Variants in MIA2 observed in about 807,000 individuals in gnomAD.
MIA2 encodes MIA SH3 domain ER export factor 2.
A neutral mutation model predicts 167.8 loss-of-function variants in MIA2; 127 were observed. That is an observed-to-expected ratio of 0.76 (90% CI 0.66 to 0.88). The LOEUF (loss-of-function observed/expected upper bound fraction) is 0.88. Among genes scored for constraint, MIA2 ranks in the 40% least tolerant of loss-of-function variants. The probability of loss-of-function intolerance (pLI) is 0.00; values close to 1 mark genes in which losing one functional copy is unlikely to be tolerated. For synonymous variants in MIA2, 552 were observed against 541.9 expected (o/e 1.02, Z -0.26); for missense variants, 1,690 against 1,624.7 (o/e 1.04, Z -0.69).
In MIA2 at chr14:39,240,668, T is replaced by C. The variant is rs764364523; in HGVS notation, c.336+21T>C. 4.0e-5 allele frequency: 63 copies of C among 1,557,186 alleles called. 1 individual carries two copies. Among genetic ancestry groups the C allele is most frequent in the Non-Finnish European group, 5.3e-5 (60 of 1,131,384 alleles). On this transcript the variant is annotated intron_variant, in intron 3 of 28. Coordinates refer to ENST00000640607, the MANE Select transcript of MIA2 (RefSeq NM_001329214.4). ...CGAAAGTGAGTAAACTCATTCTCAG[T>C]TGTTAATTGAATTTAAAATTTCTTG... is the stretch of plus-strand genomic sequence containing the variant.
At chr14:39,246,749 A>G (rs1436239801) in intron 3 of MIA2, among the ~76,000 whole-genome samples, 162 bp from the exon 4 acceptor site, 3 of 152,356 alleles carry the variant, frequency 2.0e-5, no homozygotes, top group Non-Finnish European at 4.4e-5. Context: ...TTACATAATT[A>G]GCCTTGAAGT....
At chr14:39,370,377 C>A in intron 23 of MIA2, 1 of 228,704 alleles carries the variant, frequency 4.4e-6, no homozygotes. Context: ...CCCACCAGGT[C>A]CTCATTCTGG....
At chr14:39,270,986 T>C (rs2057039326) in intron 6 of MIA2, among the ~76,000 whole-genome samples, 1 of 152,248 alleles carries the variant, frequency 6.6e-6, no homozygotes, top group Admixed American at 6.5e-5. Context: ...ATTTATCTTT[T>C]CTTCCTTTGG....
intron 2 of MIA2, among the ~76,000 whole-genome samples, chr14:39,240,175 G>A (rs988022628): frequency 6.6e-6 from 1 of 152,186 alleles, no homozygotes; most frequent in African/African-American, 2.4e-5. Context: ...CATTGAATAT[G>A]TCACTACTCC....
At position 39,346,034 on chromosome 14, in the gene MIA2, G is replaced by GTGCTT; in HGVS notation, c.3778+9_3778+10insGCTTT. On this transcript the variant is annotated intron_variant, in intron 26 of 28. Transcript: ENST00000640607. ...CTTCTTTGGATAAAATGGGTAAGAA[G>GTGCTT]TACTTTGTGCTTTTCTTCTTTAAAA... The GTGCTT allele has an allele frequency of 6.2e-7, 1 of 1,609,450 alleles. No homozygotes were observed. Among genetic ancestry groups the GTGCTT allele is most frequent in the East Asian group, 2.2e-5 (1 of 44,722 alleles).
At chr14:39,325,049 C>G (rs1281784090) in intron 24 of MIA2, among the ~76,000 whole-genome samples, 1 of 152,022 alleles carries the variant, frequency 6.6e-6, no homozygotes, top group African/African-American at 2.4e-5. Context: ...ATGGCAAAAC[C>G]CTGTATCTAC....
At chr14:39,345,821 A>C in intron 25 of MIA2, 83 bp from the exon 26 acceptor site, 1 of 1,184,298 alleles carries the variant, frequency 8.4e-7, no homozygotes, top group Non-Finnish European at 1.2e-6. Flanking sequence ...TACAGGTCAA[A>C]AGTGTAAGTT....
rs760333823 is a variant in MIA2, at chr14:39,348,985, T to G, written c.4072+8T>G. On this transcript the variant is annotated splice_region_variant and intron_variant, in intron 28 of 28. Coordinates refer to ENST00000640607, the MANE Select transcript of MIA2 (RefSeq NM_001329214.4). ...CACCTGCTCCATTTGCAAGTATGCTTTTTTAAACTTTTTTTTTAAAGCTCA... is the reference window on the plus strand; with the variant it reads ...CACCTGCTCCATTTGCAAGTATGCTGTTTTAAACTTTTTTTTTAAAGCTCA... The G allele has an allele frequency of 6.2e-7, 1 of 1,606,950 alleles. No individual in the cohort carries two copies. The highest frequency in any genetic ancestry group is 1.7e-5 in the Admixed American group (1 of 59,936).
At chr14:39,286,696 C>CTT (rs35159773) in intron 9 of MIA2, among the ~76,000 whole-genome samples, 6,672 of 142,590 alleles carry the variant, frequency 0.047, 406 homozygotes, top group East Asian at 0.17. Context: ...TTCCTTCTTA[C>CTT]TTTTTTTTTT....
intron 9 of MIA2, 37 bp downstream of exon 9, chr14:39,279,574 C>T (rs1566697010): frequency 7.2e-7 from 1 of 1,384,830 alleles, no homozygotes; most frequent in East Asian, 2.3e-5. Flanking sequence ...ATGTTAGAGT[C>T]AGAGAACTTT....
At chr14:39,386,123 C>A in intron 23 of MIA2, 2 of 1,303,878 alleles carry the variant, frequency 1.5e-6, no homozygotes, top group South Asian at 2.5e-5. Context: ...AAGCATTGGT[C>A]ATCTGACTCT....
intron 23 of MIA2, among the ~76,000 whole-genome samples, chr14:39,371,940 G>A (rs945713235): frequency 7.9e-5 from 12 of 152,010 alleles, no homozygotes; most frequent in African/African-American, 2.4e-4. Context: ...TACTTCAGAA[G>A]GGGGAGAGAG....
chr14:39,266,214 T>C (rs994699863), intron 6 of MIA2: 1 of 985,234 alleles, frequency 1.0e-6, no homozygotes, highest in African/African-American at 1.7e-5. Flanking sequence ...AGTACTTGAG[T>C]GAGAAGGCAG....
intron 23 of MIA2, among the ~76,000 whole-genome samples, chr14:39,384,954 T>C (rs1272819188): frequency 1.3e-5 from 2 of 152,344 alleles, no homozygotes; most frequent in African/African-American, 4.8e-5. Flanking sequence ...ATACTTGAAA[T>C]TTATGAGATG....
chr14:39,262,287 T>G (rs1594741255), intron 6 of MIA2, among the ~76,000 whole-genome samples: 1 of 152,212 alleles, frequency 6.6e-6, no homozygotes, highest in Non-Finnish European at 1.5e-5. Context: ...TTTCCCCATT[T>G]CTTGTTTTTG....
intron 6 of MIA2, among the ~76,000 whole-genome samples, chr14:39,262,713 CT>C (rs1325926969): frequency 3.3e-5 from 5 of 152,124 alleles, no homozygotes; most frequent in African/African-American, 1.2e-4. Flanking sequence ...TGTAGTTCTC[CT>C]TGAAGAGGTC....
Position 39,247,933 on chromosome 14 carries a change from T to C in MIA2, c.1359T>C (p.Thr453=), listed in dbSNP as rs2054384538. The part of the protein sequence containing the change: ...PVSEKTDESD[T]IPYLKKFLYN... ...CAGAAAAAACAGACGAATCTGATACTATACCATATTTGAAAAAGTTCTTGT... is the reference window on the plus strand; with the variant it reads ...CAGAAAAAACAGACGAATCTGATACCATACCATATTTGAAAAAGTTCTTGT... The change falls in exon 4 of 29, where the codon ACT becomes ACC. Residue 453 remains threonine (T), a synonymous_variant. Transcript: ENST00000640607. The C allele has an allele frequency of 6.3e-6, 10 of 1,598,448 alleles. No individual in the cohort carries two copies. In the East Asian group the frequency reaches 2.2e-4, roughly 36 times the overall value.
intron 4 of MIA2, among the ~76,000 whole-genome samples, chr14:39,251,884 C>CT (rs1199778988): frequency 2.6e-5 from 4 of 152,094 alleles, no homozygotes; most frequent in African/African-American, 9.7e-5. Context: ...CACACTGATA[C>CT]TTTTTTTAAG....
At chr14:39,316,711 T>C (rs1330059583) in intron 21 of MIA2, among the ~76,000 whole-genome samples, 2 of 152,188 alleles carry the variant, frequency 1.3e-5, no homozygotes, top group Non-Finnish European at 2.9e-5. Flanking sequence ...TGAAAATTTG[T>C]TACTAAATTA....
Sources: gnomAD v4.1 joint callset for allele counts (sites outside exome capture counted in the v4.1 genomes callset) on GRCh38, gnomAD v4.1.1 for gene constraint, MANE v1.5 for transcripts, NCBI Gene and HGNC (gene_info 2026-07-23, HGNC 2026-07-21) for gene names.